CSMD3: variants seen among roughly 807,000 people sequenced by gnomAD.
CSMD3 encodes the protein CUB and sushi domain-containing protein 3.
CSMD3 carries 177 observed loss-of-function variants against 435.2 expected under a neutral mutation model. That is an observed-to-expected ratio of 0.41 (90% CI 0.36 to 0.46). The LOEUF (loss-of-function observed/expected upper bound fraction) is 0.46. CSMD3 is among the 20% of genes least tolerant of loss of function. The pLI, the probability that CSMD3 is intolerant of heterozygous loss-of-function variation, is 0.34. For synonymous variants in CSMD3, 1,656 were observed against 1,520.5 expected (o/e 1.09, Z -2.07); for missense variants, 4,265 against 4,504.6 (o/e 0.95, Z 1.52).
intron 32 of CSMD3, among the ~76,000 whole-genome samples, chr8:112,448,945 T>A (rs1387365663): frequency 6.6e-6 from 1 of 152,096 alleles, no homozygotes; most frequent in Non-Finnish European, 1.5e-5. Context: ...CTGAAAGGGA[T>A]CTTGAGATCT....
At chr8:112,933,385 G>C (rs1005440885) in intron 9 of CSMD3, among the ~76,000 whole-genome samples, 1 of 152,034 alleles carries the variant, frequency 6.6e-6, no homozygotes. Context: ...ATTTTACACC[G>C]AATTGTAATA....
chr8:113,088,233 GA>G (rs1181131167), intron 5 of CSMD3, among the ~76,000 whole-genome samples: 2 of 150,714 alleles, frequency 1.3e-5, no homozygotes, highest in African/African-American at 4.9e-5. Flanking sequence ...AGGATGTGGA[GA>G]AATAGGAACA....
intron 1 of CSMD3, among the ~76,000 whole-genome samples, chr8:113,413,673 C>A (rs750189528): frequency 1.3e-5 from 2 of 152,138 alleles, no homozygotes; most frequent in Non-Finnish European, 2.9e-5. Flanking sequence ...ATAATTAGTT[C>A]TCAACCTGTG....
rs534572790 is a variant in CSMD3, at chr8:113,305,476, A to C, written c.401+9095T>G. Among the ~76,000 whole-genome samples the C allele has an allele frequency of 5.2e-4, 79 of 152,312 alleles. 1 individual carries two copies. Among genetic ancestry groups the C allele is most frequent in the Middle Eastern group, 6.8e-3 (2 of 294 alleles). On this transcript the variant is annotated intron_variant, in intron 2 of 70. Transcript: ENST00000297405. ...GGCTAATGGAAGTAAACCTTTCCAC[A>C]GATTTACTACAAAAGATTGAATAAA... is the stretch of plus-strand genomic sequence containing the variant.
intron 10 of CSMD3, among the ~76,000 whole-genome samples, chr8:112,908,373 A>T (rs528481154): frequency 2.2e-4 from 34 of 151,506 alleles, no homozygotes; most frequent in Non-Finnish European, 1.9e-4. Flanking sequence ...TTATGACTCT[A>T]GTCATTTAGC....
Position 112,715,567 on chromosome 8 carries a change from C to T in CSMD3, c.1973-25517G>A, listed in dbSNP as rs182966493. ...GAAAAGGAGAGTCTCCTCCCTAATG[C>T]ATTTTTTGAGGCCAGCATCATCCTG... On this transcript the variant is annotated intron_variant, in intron 13 of 70. Transcript: ENST00000297405. Among the ~76,000 whole-genome samples, 647 of 152,306 alleles carry T rather than the reference C, an allele frequency of 4.2e-3. 1 individual carries two copies. Among genetic ancestry groups the T allele is most frequent in the African/African-American group, 0.014 (567 of 41,556 alleles).
chr8:112,342,970 A>ATT (rs1352502968), intron 41 of CSMD3, among the ~76,000 whole-genome samples: 3 of 87,202 alleles, frequency 3.4e-5, no homozygotes, highest in Non-Finnish European at 4.8e-5. Flanking sequence ...CTTGAAATGT[A>ATT]TTATATATAT....
At chr8:112,349,669 A>C (rs1293589077) in intron 40 of CSMD3, among the ~76,000 whole-genome samples, 1 of 152,164 alleles carries the variant, frequency 6.6e-6, no homozygotes, top group African/African-American at 2.4e-5. Flanking sequence ...ATGTATATAT[A>C]TGAGGTAATT....
At chr8:112,435,360 T>C (rs903968422) in intron 32 of CSMD3, among the ~76,000 whole-genome samples, 3 of 151,938 alleles carry the variant, frequency 2.0e-5, no homozygotes, top group Non-Finnish European at 4.4e-5. Context: ...TTAACATTCT[T>C]GTTTCATACA....
chr8:113,410,951 A>AAGAAAGAAAGAAAGAAAGAG (rs1354388081), intron 1 of CSMD3, among the ~76,000 whole-genome samples: 15 of 143,462 alleles, frequency 1.0e-4, no homozygotes, highest in Admixed American at 4.3e-4. Context: ...GAAAGAAAGA[A>AAGAAAGAAAGAAAGAAAGAG]AGAGAAGGGA....
At chr8:112,927,195 T>C (rs894760782) in intron 9 of CSMD3, among the ~76,000 whole-genome samples, 1 of 152,104 alleles carries the variant, frequency 6.6e-6, no homozygotes, top group African/African-American at 2.4e-5. Context: ...TTTTACAATA[T>C]GAGATTTTCT....
At chr8:113,108,445 A>G (rs929589343) in intron 4 of CSMD3, among the ~76,000 whole-genome samples, 1 of 150,604 alleles carries the variant, frequency 6.6e-6, no homozygotes, top group African/African-American at 2.5e-5. Flanking sequence ...AAAAAAGGTT[A>G]TGTATGTTGC....
intron 32 of CSMD3, among the ~76,000 whole-genome samples, chr8:112,465,922 C>A (rs1217340828): frequency 6.6e-6 from 1 of 151,150 alleles, no homozygotes; most frequent in Non-Finnish European, 1.5e-5. Context: ...TTGCAGTGAG[C>A]CGAGATGGCA....
chr8:112,801,495 G>C (rs2078961500), intron 12 of CSMD3, among the ~76,000 whole-genome samples: 1 of 151,982 alleles, frequency 6.6e-6, no homozygotes, highest in African/African-American at 2.4e-5. Flanking sequence ...AACACCATAA[G>C]ATACCAAGAT....
chr8:113,064,146 A>G (rs968605384), intron 5 of CSMD3, among the ~76,000 whole-genome samples: 44 of 151,978 alleles, frequency 2.9e-4, no homozygotes, highest in African/African-American at 1.0e-3. Flanking sequence ...AGTTACAATG[A>G]CAGAAGCTTA....
At chr8:112,709,716 G>A (rs983356921) in intron 13 of CSMD3, among the ~76,000 whole-genome samples, 29 of 152,124 alleles carry the variant, frequency 1.9e-4, no homozygotes, top group African/African-American at 6.0e-4. Flanking sequence ...TTTAGGCAAA[G>A]TAAATATAAA....
chr8:112,224,750 A>C lies in CSMD3; in HGVS notation c.*21T>G, dbSNP rs369702665. The C allele has an allele frequency of 1.4e-4, 230 of 1,613,632 alleles. No individual in the cohort carries two copies. Among genetic ancestry groups the C allele is most frequent in the Non-Finnish European group, 1.8e-4 (217 of 1,179,650 alleles). On this transcript the variant is annotated 3_prime_UTR_variant, in exon 71 of 71. Transcript: ENST00000297405. ...TTGTGTGTCGATTTCCAAGCTTCTGAAGAAGGCAAAGGTTGCCTCGTTATA... is the reference window on the plus strand; with the variant it reads ...TTGTGTGTCGATTTCCAAGCTTCTGCAGAAGGCAAAGGTTGCCTCGTTATA...
intron 5 of CSMD3, among the ~76,000 whole-genome samples, chr8:113,066,059 G>C (rs1048831090): frequency 2.0e-5 from 3 of 146,710 alleles, no homozygotes; most frequent in African/African-American, 7.5e-5. Flanking sequence ...TTTCTGAGAG[G>C]TGTGCACAAT....
chr8:112,268,601 C>T (rs1464221075), intron 59 of CSMD3, among the ~76,000 whole-genome samples: 1 of 152,086 alleles, frequency 6.6e-6, no homozygotes, highest in African/African-American at 2.4e-5. Context: ...TTTTTAATGG[C>T]ATATTAATCC....
Sources: allele counts gnomAD v4.1 joint callset (sites outside exome capture counted in the v4.1 genomes callset), GRCh38; gene constraint gnomAD v4.1.1; transcripts MANE v1.5; gene names NCBI Gene and HGNC (gene_info 2026-07-23, HGNC 2026-07-21).